Variants in SMYD3 observed in about 807,000 individuals in gnomAD.
SMYD3 encodes the protein SET and MYND domain containing 3, also known as histone-lysine N-methyltransferase SMYD3.
A neutral mutation model predicts 57.7 loss-of-function variants in SMYD3; 36 were observed. The ratio of observed to expected loss-of-function variants is 0.62; its 90% CI spans 0.48 to 0.82. The LOEUF is 0.82. Among genes scored for constraint, SMYD3 ranks in the 40% least tolerant of loss-of-function variants. The pLI is 0.00. For missense variants in SMYD3, 515 were observed against 538.8 expected (o/e 0.96, Z 0.44); for synonymous variants, 211 against 195.0 (o/e 1.08, Z -0.68).
chr1:245,966,197 G>T lies in SMYD3; in HGVS notation c.532-36260C>A, dbSNP rs115514950. Among the ~76,000 whole-genome samples the T allele has an allele frequency of 3.1e-3, 463 of 151,146 alleles. 2 individuals are homozygous for T. The highest frequency in any genetic ancestry group is 0.01 in the African/African-American group (431 of 41,126). ...CTCTCTCTCTTTCTTTTAGAGACAG[G>T]GTCTCACTCTGTTGCCCAGCCTGAA... is the stretch of plus-strand genomic sequence containing the variant. On this transcript the variant is annotated intron_variant, in intron 5 of 11. Coordinates refer to ENST00000490107, the MANE Select transcript of SMYD3 (RefSeq NM_001167740.2).
intron 10 of SMYD3, among the ~76,000 whole-genome samples, chr1:245,840,919 C>G (rs2050371071): frequency 6.6e-6 from 1 of 152,112 alleles, no homozygotes; most frequent in Non-Finnish European, 1.5e-5. Context: ...AGAAGCAGTG[C>G]AGAGAGCCAA....
chr1:245,764,083 T>C lies in SMYD3; in HGVS notation c.1143A>G (p.Leu381=). 1.2e-6 allele frequency: 2 copies of C among 1,614,108 alleles called. No homozygotes were observed. The highest frequency in any genetic ancestry group is 1.7e-6 in the Non-Finnish European group (2 of 1,179,984). ...VQVMKVGKLQ[L]HQGMFPQAMK... is the part of the protein sequence containing the mutation. ...TTGCTTGGGGAAACATGCCTTGATG[T>C]AGCTGCAGTTTGCCAACTTTCATCA... The change falls in exon 11 of 12, where the codon CTA becomes CTG. Residue 381 remains leucine (L), a synonymous_variant. Transcript: ENST00000490107.
At chr1:246,183,346 A>T (rs1264038694) in intron 5 of SMYD3, among the ~76,000 whole-genome samples, 1 of 151,960 alleles carries the variant, frequency 6.6e-6, no homozygotes, top group Non-Finnish European at 1.5e-5. Context: ...ACAAACCCTA[A>T]TACAGTTTAC....
intron 2 of SMYD3, among the ~76,000 whole-genome samples, chr1:246,344,976 GGAGA>G (rs1213297104): frequency 1.3e-5 from 2 of 152,132 alleles, no homozygotes; most frequent in African/African-American, 4.8e-5. Flanking sequence ...AGAGAAGGAG[GGAGA>G]GAAAGAGAAA....
intron 5 of SMYD3, among the ~76,000 whole-genome samples, chr1:246,238,893 G>GTTTTT (rs35415664): frequency 7.5e-6 from 1 of 133,138 alleles, no homozygotes; most frequent in African/African-American, 2.8e-5. Context: ...TCTTTGTTTG[G>GTTTTT]TTTTTTTTTT....
intron 10 of SMYD3, among the ~76,000 whole-genome samples, chr1:245,842,181 T>TC (rs2050436617): frequency 6.6e-6 from 1 of 152,198 alleles, no homozygotes; most frequent in South Asian, 2.1e-4. Flanking sequence ...TCCGAACGTA[T>TC]CCCCATTATT....
At chr1:246,500,079 C>A (rs546120101) in intron 1 of SMYD3, among the ~76,000 whole-genome samples, 1 of 152,100 alleles carries the variant, frequency 6.6e-6, no homozygotes, top group African/African-American at 2.4e-5. Context: ...CTGGGCCCTG[C>A]TGCTGCTGCT....
intron 10 of SMYD3, among the ~76,000 whole-genome samples, chr1:245,853,719 A>C (rs2051094869): frequency 1.7e-5 from 1 of 60,088 alleles, no homozygotes; most frequent in African/African-American, 3.9e-5. Flanking sequence ...TTCTCAAAAA[A>C]AGGAGAAAAA....
In SMYD3 at chr1:245,907,872, T is replaced by C. The variant is rs1275365796; in HGVS notation, c.813+7658A>G. On this transcript the variant is annotated intron_variant, in intron 8 of 11. Transcript: ENST00000490107. ...TGAAGGGATGGCCAGGCATGGTGGC[T>C]CACGCCTGTAATCCCAGCACTTTGG... 5.3e-5 allele frequency among the ~76,000 whole-genome samples: 8 copies of C among 152,260 alleles called. No individual in the cohort carries two copies. In the South Asian group the frequency reaches 1.2e-3, roughly 24 times the overall value.
chr1:246,347,774 C>T (rs536524960), intron 2 of SMYD3, among the ~76,000 whole-genome samples: 2 of 152,178 alleles, frequency 1.3e-5, no homozygotes, highest in African/African-American at 4.8e-5. Flanking sequence ...ATAGAACTTC[C>T]AGGCCTCCAG....
intron 5 of SMYD3, among the ~76,000 whole-genome samples, chr1:246,167,712 C>T (rs569652954): frequency 1.3e-5 from 2 of 151,878 alleles, no homozygotes; most frequent in East Asian, 1.9e-4. Flanking sequence ...GGTTTCTCCA[C>T]GTTGGCCAGG....
chr1:245,787,082 T>C (rs2047072995), intron 10 of SMYD3, among the ~76,000 whole-genome samples: 1 of 152,240 alleles, frequency 6.6e-6, no homozygotes, highest in Non-Finnish European at 1.5e-5. Context: ...GCGGTATCTT[T>C]ACAACGCCTT....
intron 10 of SMYD3, among the ~76,000 whole-genome samples, chr1:245,832,466 T>C (rs1490635756): frequency 7.6e-6 from 1 of 131,306 alleles, no homozygotes; most frequent in African/African-American, 2.8e-5. Flanking sequence ...AAGCTCCTCA[T>C]CGATTTAATG....
chr1:246,207,482 A>G lies in SMYD3; in HGVS notation c.531+119719T>C, dbSNP rs150848266. Among the ~76,000 whole-genome samples the G allele has an allele frequency of 1.9e-3, 296 of 152,242 alleles. 3 individuals carry two copies. Among genetic ancestry groups the G allele is most frequent in the African/African-American group, 6.8e-3 (281 of 41,516 alleles). On this transcript the variant is annotated intron_variant, in intron 5 of 11. Transcript: ENST00000490107. ...CATCTAAATACAGCATAAGGAGTGA[A>G]AAAGGTCAATGGACTGGGAGTTACT...
intron 2 of SMYD3, among the ~76,000 whole-genome samples, chr1:246,354,605 GA>G (rs34172535): frequency 0.26 from 37,409 of 143,020 alleles, 5,086 homozygotes; most frequent in East Asian, 0.51. Flanking sequence ...ATCGTTAAAT[GA>G]AAAAAAAAAA....
chr1:246,026,971 A>G (rs933032394), intron 5 of SMYD3, among the ~76,000 whole-genome samples: 2 of 152,232 alleles, frequency 1.3e-5, no homozygotes, highest in Admixed American at 1.3e-4. Flanking sequence ...AGGGAAATTA[A>G]AAGTGCTACT....
chr1:246,143,700 A>G (rs1479556097), intron 5 of SMYD3, among the ~76,000 whole-genome samples: 2 of 152,128 alleles, frequency 1.3e-5, no homozygotes, highest in Non-Finnish European at 2.9e-5. Flanking sequence ...AAGCAGCACT[A>G]TATGAATCAT....
intron 11 of SMYD3, among the ~76,000 whole-genome samples, chr1:245,762,075 G>C (rs984707483): frequency 6.6e-5 from 10 of 152,020 alleles, no homozygotes; most frequent in Admixed American, 2.0e-4. Context: ...GTGAGCCACC[G>C]CGCCCAGCCT....
chr1:246,154,479 A>G (rs1237119166), intron 5 of SMYD3, among the ~76,000 whole-genome samples: 1 of 152,208 alleles, frequency 6.6e-6, no homozygotes, highest in South Asian at 2.1e-4. Flanking sequence ...AGCTATTAGA[A>G]ATTGAAACCA....
Sources: gnomAD v4.1 joint callset for allele counts (sites outside exome capture counted in the v4.1 genomes callset) on GRCh38, gnomAD v4.1.1 for gene constraint, MANE v1.5 for transcripts, NCBI Gene and HGNC (gene_info 2026-07-23, HGNC 2026-07-21) for gene names.